The following GNAI1 variants were observed in gnomAD, a reference collection of about 807,000 sequenced individuals.
The protein encoded by GNAI1 is G protein subunit alpha i1.
A neutral mutation model predicts 38.9 loss-of-function variants in GNAI1; 11 were observed. The observed-to-expected ratio is 0.28, with a 90% CI of 0.18 to 0.47. The LOEUF is 0.47. GNAI1 is among the 20% of genes least tolerant of loss of function. The probability of loss-of-function intolerance (pLI) is 0.99; values close to 1 mark genes in which losing one functional copy is unlikely to be tolerated. For missense variants in GNAI1, 317 were observed against 436.9 expected, an observed-to-expected ratio of 0.73 and a Z score of 2.45; for synonymous variants, 166 against 145.1, an observed-to-expected ratio of 1.14 and a Z score of -1.04.
intron 3 of GNAI1, among the ~76,000 whole-genome samples, chr7:80,192,552 CCTTATAATA>C (rs927215609): frequency 6.6e-6 from 1 of 152,114 alleles, no homozygotes; most frequent in African/African-American, 2.4e-5. Context: ...AAGCTTGTTT[CCTTATAATA>C]CAAGGGAAAT....
chr7:80,168,777 CA>C (rs529937071), intron 1 of GNAI1, among the ~76,000 whole-genome samples: 197 of 152,306 alleles, frequency 1.3e-3, no homozygotes, highest in Middle Eastern at 6.8e-3. Flanking sequence ...TACATCATCC[CA>C]AATTAAAACT....
At chr7:80,188,883 T>G in intron 1 of GNAI1, 68 bp from the exon 2 acceptor site, 1 of 897,206 alleles carries the variant, frequency 1.1e-6, no homozygotes, top group Non-Finnish European at 1.8e-6. Flanking sequence ...TGTGTTTGTG[T>G]GTTGGGAGTT....
chr7:80,217,233 A>ACTGACTTCAGTTTCATAGGTATGAAC, intron 7 of GNAI1, 70 bp from the exon 8 acceptor site: 2 of 1,034,850 alleles, frequency 1.9e-6, no homozygotes, highest in Non-Finnish European at 2.8e-6. Flanking sequence ...TATGTATGAA[A>ACTGACTTCAGTTTCATAGGTATGAAC]CTGAATTCAG....
chr7:80,169,638 G>A (rs1788069006), intron 1 of GNAI1, among the ~76,000 whole-genome samples: 1 of 152,220 alleles, frequency 6.6e-6, no homozygotes, highest in Non-Finnish European at 1.5e-5. Flanking sequence ...AAATTATCTT[G>A]TTGATTATTG....
chr7:80,140,355 AC>A (rs1787505545), intron 1 of GNAI1, among the ~76,000 whole-genome samples: 1 of 152,210 alleles, frequency 6.6e-6, no homozygotes, highest in Non-Finnish European at 1.5e-5. Context: ...TGCCTATCTT[AC>A]AGAATTTAAT....
At chr7:80,163,900 T>C (rs1008636983) in intron 1 of GNAI1, among the ~76,000 whole-genome samples, 3 of 151,804 alleles carry the variant, frequency 2.0e-5, no homozygotes, top group African/African-American at 7.3e-5. Context: ...TTGTGTCTAA[T>C]AGTCTTATCA....
At chr7:80,143,443 G>A (rs1479279304) in intron 1 of GNAI1, among the ~76,000 whole-genome samples, 1 of 152,064 alleles carries the variant, frequency 6.6e-6, no homozygotes, top group East Asian at 1.9e-4. Context: ...AACCCTTACT[G>A]GGTGTAAGCT....
At chr7:80,193,460 A>C (rs1278701025) in intron 3 of GNAI1, among the ~76,000 whole-genome samples, 1 of 152,204 alleles carries the variant, frequency 6.6e-6, no homozygotes. Context: ...GAGCAGTCAC[A>C]TTTTATGCCT....
chr7:80,162,094 AATGGAGTCCTC>A (rs1347904379), intron 1 of GNAI1, among the ~76,000 whole-genome samples: 3 of 152,102 alleles, frequency 2.0e-5, no homozygotes, highest in African/African-American at 7.2e-5. Flanking sequence ...GAGGTCATGG[AATGGAGTCCTC>A]ATGATGGGCA....
chr7:80,135,322 G>T lies in GNAI1; in HGVS notation c.118+44G>T, dbSNP rs943488032. The T allele has an allele frequency of 3.4e-6, 4 of 1,165,986 alleles. No individual in the cohort carries two copies. The African/African-American group carries it at 4.9e-5, about 14-fold the overall frequency. The allele number at this position is 1,165,986 out of a possible 1,614,324, so 72.2% of individuals were successfully genotyped here. ...GGGCCCGGGGGTCGGCGGGGGACCG[G>T]GTGCGGCGCTGCGCGGCCCTCGGCG... is the stretch of plus-strand genomic sequence containing the variant. On this transcript the variant is annotated intron_variant, in intron 1 of 7. Coordinates refer to ENST00000649796, the MANE Select transcript of GNAI1 (RefSeq NM_002069.6).
At chr7:80,202,221 C>G (rs181422346) in intron 4 of GNAI1, among the ~76,000 whole-genome samples, 1 of 152,176 alleles carries the variant, frequency 6.6e-6, no homozygotes, top group East Asian at 1.9e-4. Context: ...TCCCCAATAG[C>G]TGGGATTACA....
intron 1 of GNAI1, among the ~76,000 whole-genome samples, chr7:80,167,649 T>C (rs1788034424): frequency 1.3e-5 from 2 of 152,202 alleles, no homozygotes; most frequent in Non-Finnish European, 2.9e-5. Context: ...CACAACTGTG[T>C]CTTTATAAAA....
intron 1 of GNAI1, 40 bp downstream of exon 1, chr7:80,135,318 A>G (rs1787390383): frequency 7.5e-6 from 9 of 1,201,630 alleles, no homozygotes; most frequent in Non-Finnish European, 9.9e-6. Flanking sequence ...TCGGCGGGGG[A>G]CCGGGTGCGG....
rs376521634 is a variant in GNAI1 at position 80,188,710 on chromosome 7, T to G, written c.119-241T>G. Among the ~76,000 whole-genome samples the G allele has an allele frequency of 2.4e-4, 37 of 152,310 alleles. 1 individual carries two copies. In the South Asian group the frequency reaches 7.7e-3, roughly 32 times the overall value. ...CTCATTTAGCAAAATCCTGACTCCA[T>G]ACAGTATTATTACTGTACAACTACA... On this transcript the variant is annotated intron_variant, in intron 1 of 7. Coordinates refer to ENST00000649796, the MANE Select transcript of GNAI1 (RefSeq NM_002069.6).
intron 1 of GNAI1, among the ~76,000 whole-genome samples, chr7:80,174,934 A>T (rs1788156042): frequency 6.6e-6 from 1 of 152,232 alleles, no homozygotes; most frequent in Non-Finnish European, 1.5e-5. Flanking sequence ...TATTTTCATT[A>T]AACCTTGAGC....
At position 80,218,616 on chromosome 7, in the gene GNAI1, A is replaced by AT. The variant is rs1484130007; in HGVS notation, c.*1124dup. On this transcript the variant is annotated 3_prime_UTR_variant, in exon 8 of 8. Coordinates refer to ENST00000649796, the MANE Select transcript of GNAI1 (RefSeq NM_002069.6). ...TAATGCAAGATTTAAATTTATACAT[A>AT]TAACTAATTTCAAATGTAATTATCA... The AT allele has an allele frequency of 6.6e-6, 1 of 152,176 alleles. No individual in the cohort carries two copies. The highest frequency in any genetic ancestry group is 1.5e-5 in the Non-Finnish European group (1 of 68,010). 9.4% of individuals were successfully genotyped at this position (152,176 alleles called of 1,614,324 possible). A position where few individuals can be genotyped will look rare whatever the true frequency, so the allele number is the denominator to read the frequency against.
chr7:80,191,940 GT>G (rs1432396834), intron 3 of GNAI1, among the ~76,000 whole-genome samples: 1 of 152,004 alleles, frequency 6.6e-6, no homozygotes, highest in South Asian at 2.1e-4. Flanking sequence ...TCTTTTTCTA[GT>G]TTTTTTCTGA....
intron 1 of GNAI1, among the ~76,000 whole-genome samples, chr7:80,143,536 AT>A: frequency 6.6e-6 from 1 of 152,144 alleles, no homozygotes; most frequent in East Asian, 1.9e-4. Context: ...TGTCTAAGGA[AT>A]TTTTTTCCCC....
At chr7:80,154,123 A>G (rs1584012192) in intron 1 of GNAI1, among the ~76,000 whole-genome samples, 1 of 152,044 alleles carries the variant, frequency 6.6e-6, no homozygotes, top group Non-Finnish European at 1.5e-5. Context: ...AGGTTTCACC[A>G]TGTTGCCCAG....
Sources: gnomAD v4.1 joint callset for allele counts (sites outside exome capture counted in the v4.1 genomes callset) on GRCh38, gnomAD v4.1.1 for gene constraint, MANE v1.5 for transcripts, NCBI Gene and HGNC (gene_info 2026-07-23, HGNC 2026-07-21) for gene names.